Variants in COL9A2 observed in about 807,000 individuals in gnomAD.
COL9A2 encodes collagen type IX alpha 2 chain, also known as collagen alpha-2(IX) chain.
In COL9A2, 66 loss-of-function variants were observed where a neutral mutation model predicts 111.6. That is an observed-to-expected ratio of 0.59 (90% CI 0.48 to 0.73). COL9A2 has a LOEUF of 0.73. COL9A2 is among the 30% of genes least tolerant of loss of function. COL9A2 has a pLI of 0.00. For missense variants in COL9A2, 881 were observed against 954.1 expected (o/e 0.92, Z 1.01); for synonymous variants, 353 against 364.1 (o/e 0.97, Z 0.35).
Position 40,308,211 on chromosome 1 carries a change from G to A in COL9A2, c.881C>T (p.Thr294Ile). 6.2e-7 allele frequency: 1 copy of A among 1,614,152 alleles called. No individual in the cohort carries two copies. The highest frequency in any genetic ancestry group is 1.1e-5 in the South Asian group (1 of 91,072). ...SPGIRGPQGI[T>I]GPKGATGPPG... ...ACCTACCGTTGCTCCTTTCGGGCCTGTGATCCCCTGGGGTCCACGAATACC... is the reference window on the plus strand; with the variant it reads ...ACCTACCGTTGCTCCTTTCGGGCCTATGATCCCCTGGGGTCCACGAATACC... Residue 294 changes from threonine to isoleucine, a missense_variant, in exon 17 of 32, where the codon ACA (threonine) becomes ATA (isoleucine). By Grantham distance (89) the Thr-to-Ile change is moderately conservative (BLOSUM62 -1). Transcript: ENST00000372748.
chr1:40,303,719 GC>G lies in COL9A2; in HGVS notation c.1402-44del. The G allele has an allele frequency of 6.8e-7, 1 of 1,462,248 alleles. No homozygotes were observed. The highest frequency in any genetic ancestry group is 9.3e-7 in the Non-Finnish European group (1 of 1,078,236). The allele number at this position is 1,462,248 out of a possible 1,614,324, so 90.6% of individuals were successfully genotyped here. Reference sequence around the variant, plus strand: ...TGGGAGCAGAGCCGGGTGAGAAGGCGCCCGGGTGGGCGAGAGTGGGGGGTGG... The same window carrying G: ...TGGGAGCAGAGCCGGGTGAGAAGGCGCCGGGTGGGCGAGAGTGGGGGGTGG... On this transcript the variant is annotated intron_variant, in intron 27 of 31. Coordinates refer to ENST00000372748, the MANE Select transcript of COL9A2 (RefSeq NM_001852.4). This position sits in a 1 kb window ranked among gnomAD's most constrained non-coding sequence, Gnocchi z 4.6.
chr1:40,309,418 C>T (rs1391519932), intron 16 of COL9A2, among the ~76,000 whole-genome samples: 2 of 148,744 alleles, frequency 1.3e-5, no homozygotes, highest in East Asian at 3.9e-4. Flanking sequence ...CTTCCCCCAA[C>T]AGGTCTATTA....
Position 40,315,633 on chromosome 1 carries a change from C to T in COL9A2, c.107G>A (p.Gly36Asp). 1 of 1,553,776 alleles carries T rather than the reference C, an allele frequency of 6.4e-7. No individual in the cohort carries two copies. The highest frequency in any genetic ancestry group is 8.7e-7 in the Non-Finnish European group (1 of 1,147,800). ...AGGCACTCCCGGCGGTCCCGGGGGACCCGGGGGGCCCCGCTCTCCCGGTGG... is the reference window on the plus strand; with the variant it reads ...AGGCACTCCCGGCGGTCCCGGGGGATCCGGGGGGCCCCGCTCTCCCGGTGG... ...RGPPGERGPP[G>D]PPGPPGVPGS... Residue 36 changes from glycine to aspartate, a missense_variant, in exon 2 of 32, where the codon GGT becomes GAT. Coordinates refer to ENST00000372748, the MANE Select transcript of COL9A2 (RefSeq NM_001852.4).
In COL9A2 at chr1:40,311,302, C is replaced by A; in HGVS notation, c.520-16G>T. 1 of 1,613,018 alleles carries A rather than the reference C, an allele frequency of 6.2e-7. No individual in the cohort carries two copies. Among genetic ancestry groups the A allele is most frequent in the Non-Finnish European group, 8.5e-7 (1 of 1,179,520 alleles). Reference sequence around the variant, plus strand: ...TGGTTGGACACTGGAAACAGAAAATCCCACAGGGTCCTGTGATCAGCTGGG... The same window carrying A: ...TGGTTGGACACTGGAAACAGAAAATACCACAGGGTCCTGTGATCAGCTGGG... On this transcript the variant is annotated splice_polypyrimidine_tract_variant and intron_variant, in intron 10 of 31. Coordinates refer to ENST00000372748, the MANE Select transcript of COL9A2 (RefSeq NM_001852.4). This position sits in a 1 kb window ranked among gnomAD's most constrained non-coding sequence, Gnocchi z 5.1.
At position 40,312,515 on chromosome 1, in the gene COL9A2, C is replaced by T. The variant is rs375536130; in HGVS notation, c.340-36G>A. On this transcript the variant is annotated intron_variant, in intron 6 of 31. Coordinates refer to ENST00000372748, the MANE Select transcript of COL9A2 (RefSeq NM_001852.4). This position sits in a 1 kb window ranked among gnomAD's most constrained non-coding sequence, Gnocchi z 6.0. ...AAGAAAGAAAATTGGCTTCATGGCT[C>T]CCTCTGCAGGTCCCCTCTCCCCCAA... 1.2e-4 allele frequency: 187 copies of T among 1,613,800 alleles called. No individual in the cohort carries two copies. Among genetic ancestry groups the T allele is most frequent in the Non-Finnish European group, 1.5e-4 (177 of 1,179,932 alleles).
intron 19 of COL9A2, among the ~76,000 whole-genome samples, chr1:40,306,667 G>C (rs116156413): frequency 6.6e-6 from 1 of 152,088 alleles, no homozygotes; most frequent in Non-Finnish European, 1.5e-5. Flanking sequence ...AAAAGCCAAG[G>C]CCTGTTGAGA....
chr1:40,314,496 T>C lies in COL9A2; in HGVS notation c.151-109A>G. On this transcript the variant is annotated intron_variant, in intron 2 of 31. Transcript: ENST00000372748. The surrounding 1 kb of genome is among the most constrained non-coding windows in gnomAD (Gnocchi z 4.1). ...CAAAGGCTCTCCTCACTCTCCTCTC[T>C]TCTGTCCAGGTCCCCTAAGCCTTGC... 7.6e-7 allele frequency: 1 copy of C among 1,319,402 alleles called. No individual in the cohort carries two copies. The highest frequency in any genetic ancestry group is 1.2e-5 in the South Asian group (1 of 84,602). 81.7% of individuals were successfully genotyped at this position (1,319,402 alleles called of 1,614,324 possible).
chr1:40,305,258 G>A (rs904179794), intron 21 of COL9A2, among the ~76,000 whole-genome samples: 7 of 151,634 alleles, frequency 4.6e-5, no homozygotes, highest in African/African-American at 7.3e-5. Context: ...TAGTAGAGAC[G>A]GGGTTTCACC....
At position 40,302,830 on chromosome 1, in the gene COL9A2, A is replaced by G; in HGVS notation, c.1604-21T>C. On this transcript the variant is annotated intron_variant, in intron 29 of 31. Coordinates refer to ENST00000372748, the MANE Select transcript of COL9A2 (RefSeq NM_001852.4). The surrounding 1 kb of genome is among the most constrained non-coding windows in gnomAD (Gnocchi z 4.5). ...TTGCTCTGGAGGGAGGGAGGGAGGG[A>G]GGGAGAGGGAAGTCTATGAGATGGG... is the stretch of plus-strand genomic sequence containing the variant. 1.2e-6 allele frequency: 1 copy of G among 811,224 alleles called. No individual in the cohort carries two copies. Among genetic ancestry groups the G allele is most frequent in the Non-Finnish European group, 1.9e-6 (1 of 529,160 alleles). The allele number at this position is 811,224 out of a possible 1,614,324, so 50.3% of individuals were successfully genotyped here.
Position 40,311,490 on chromosome 1 carries a change from C to A in COL9A2, c.519+10G>T, listed in dbSNP as rs751763126. The A allele has an allele frequency of 6.2e-7, 1 of 1,607,316 alleles. No homozygotes were observed. The highest frequency in any genetic ancestry group is 2.2e-5 in the East Asian group (1 of 44,828). On this transcript the variant is annotated intron_variant, in intron 10 of 31. Coordinates refer to ENST00000372748, the MANE Select transcript of COL9A2 (RefSeq NM_001852.4). The surrounding 1 kb of genome is among the most constrained non-coding windows in gnomAD (Gnocchi z 5.1). ...CCTGTGTTAGCCCCGCCCCAGACCT[C>A]GTCTCTCACCAGGAAATCCGCACTG...
chr1:40,304,189 C>T (rs948443408), intron 24 of COL9A2, 90 bp from the exon 25 acceptor site: 4 of 1,514,756 alleles, frequency 2.6e-6, no homozygotes, highest in Admixed American at 4.1e-5. Flanking sequence ...CTTTCCAACT[C>T]CGCCTCGCCG....
chr1:40,303,513 C>G lies in COL9A2; in HGVS notation c.1548+17G>C, dbSNP rs74366749. 29,319 of 1,612,730 alleles carry G rather than the reference C, an allele frequency of 0.018. 533 individuals are homozygous for G. Among genetic ancestry groups the G allele is most frequent in the South Asian group, 0.076 (6,898 of 91,016 alleles). ...TCTACCTAGAAGAAGCACCTCCTAC[C>G]CCGGGGCCCGACTCACCTCCACGCC... On this transcript the variant is annotated intron_variant, in intron 28 of 31. Coordinates refer to ENST00000372748, the MANE Select transcript of COL9A2 (RefSeq NM_001852.4). This position sits in a 1 kb window ranked among gnomAD's most constrained non-coding sequence, Gnocchi z 4.6.
At position 40,301,130 on chromosome 1, in the gene COL9A2, G is replaced by C; in HGVS notation, c.*52C>G. ...GATGGGTGCATGTCCACCCAGAGGG[G>C]ACCTGGTCCTTCCCGCCAGGATGCC... On this transcript the variant is annotated 3_prime_UTR_variant, in exon 32 of 32. Coordinates refer to ENST00000372748, the MANE Select transcript of COL9A2 (RefSeq NM_001852.4). 6.3e-7 allele frequency: 1 copy of C among 1,593,916 alleles called. No homozygotes were observed. The highest frequency in any genetic ancestry group is 8.6e-7 in the Non-Finnish European group (1 of 1,164,250).
In COL9A2 at chr1:40,310,790, C is replaced by T. The variant is rs1372359584; in HGVS notation, c.631-23G>A. On this transcript the variant is annotated intron_variant, in intron 12 of 31. Coordinates refer to ENST00000372748, the MANE Select transcript of COL9A2 (RefSeq NM_001852.4). This position sits in a 1 kb window ranked among gnomAD's most constrained non-coding sequence, Gnocchi z 4.9. ...ACCCTAAAGGGCAGGGATGAGCTGTCAGACAGGCAGGCAGATGGAAAGACA... is the reference window on the plus strand; with the variant it reads ...ACCCTAAAGGGCAGGGATGAGCTGTTAGACAGGCAGGCAGATGGAAAGACA... 2 of 1,552,310 alleles carry T rather than the reference C, an allele frequency of 1.3e-6. No homozygotes were observed. The highest frequency in any genetic ancestry group is 1.4e-5 in the African/African-American group (1 of 73,246).
rs1283984525 is a variant in COL9A2, at chr1:40,307,896, C to G, written c.901-140G>C. 1.1e-6 allele frequency: 1 copy of G among 892,636 alleles called. No homozygotes were observed. Among genetic ancestry groups the G allele is most frequent in the African/African-American group, 1.6e-5 (1 of 60,690 alleles). The allele number at this position is 892,636 out of a possible 1,614,324, so 55.3% of individuals were successfully genotyped here. On this transcript the variant is annotated intron_variant, in intron 17 of 31. Transcript: ENST00000372748. The surrounding 1 kb of genome is among the most constrained non-coding windows in gnomAD (Gnocchi z 4.8). Reference sequence around the variant, plus strand: ...CATCCCAGGAAGCCCCACTGGCCAACTGGGGGAGGGGAGTTGAAGTGGGAA... The same window carrying G: ...CATCCCAGGAAGCCCCACTGGCCAAGTGGGGGAGGGGAGTTGAAGTGGGAA...
rs1412579528 is a variant in COL9A2 at position 40,305,787 on chromosome 1, C to T, written c.1054-19G>A. On this transcript the variant is annotated intron_variant, in intron 20 of 31. Coordinates refer to ENST00000372748, the MANE Select transcript of COL9A2 (RefSeq NM_001852.4). ...GCTCACCCTGCAGGAAAACAGTTCT[C>T]AGGTCAGTCTGGGTGGCCCAGTCAG... The T allele has an allele frequency of 5.0e-6, 8 of 1,613,586 alleles. No individual in the cohort carries two copies. Among genetic ancestry groups the T allele is most frequent in the Admixed American group, 1.7e-5 (1 of 60,004 alleles).
In COL9A2 at chr1:40,305,745, A is replaced by C; in HGVS notation, c.1077T>G (p.Leu359=). 1 of 1,614,132 alleles carries C rather than the reference A, an allele frequency of 6.2e-7. No individual in the cohort carries two copies. Among genetic ancestry groups the C allele is most frequent in the Non-Finnish European group, 8.5e-7 (1 of 1,180,014 alleles). Reference sequence around the variant, plus strand: ...TCCCAGGGGGACCAGAGAATCCAGGAAGGCCCTGCGGGCCCGGCTCACCCT... The same window carrying C: ...TCCCAGGGGGACCAGAGAATCCAGGCAGGCCCTGCGGGCCCGGCTCACCCT... ...GDQGEPGPQG[L]PGFSGPPGKE... is the part of the protein sequence containing the mutation. Residue 359 remains leucine (L), a synonymous_variant, in exon 21 of 32, where the codon CTT becomes CTG. Transcript: ENST00000372748.
rs373854582 is a variant in COL9A2 at position 40,307,765 on chromosome 1, G to A, written c.901-9C>T. On this transcript the variant is annotated splice_polypyrimidine_tract_variant and intron_variant, in intron 17 of 31. Transcript: ENST00000372748. This position sits in a 1 kb window ranked among gnomAD's most constrained non-coding sequence, Gnocchi z 4.8. ...TTGATGCCTGGGGGGCCCTACCCAG[G>A]AGGAAAGTTCAAGGGAGAGTGATAA... The A allele has an allele frequency of 4.2e-5, 67 of 1,614,090 alleles. No homozygotes were observed. The African/African-American group carries it at 7.9e-4, about 19-fold the overall frequency.
Position 40,312,407 on chromosome 1 carries a change from CTCCT to C in COL9A2, c.363+45_363+48del. ...TCCCTCGAAGCCTTTCTGTTGTCCC[CTCCT>C]TCCCTGGGAGTTCTGGGGATCCTGC... is the stretch of plus-strand genomic sequence containing the variant. On this transcript the variant is annotated intron_variant, in intron 7 of 31. Transcript: ENST00000372748. The surrounding 1 kb of genome is among the most constrained non-coding windows in gnomAD (Gnocchi z 6.0). The C allele has an allele frequency of 6.2e-7, 1 of 1,605,408 alleles. No homozygotes were observed.
Sources: gnomAD v4.1 joint callset for allele counts (sites outside exome capture counted in the v4.1 genomes callset) on GRCh38, gnomAD v4.1.1 for gene constraint, Gnocchi (gnomAD v3.1) non-coding constraint, MANE v1.5 for transcripts, NCBI Gene and HGNC (gene_info 2026-07-23, HGNC 2026-07-21) for gene names.